The following LINGO2 variants were observed in gnomAD, a reference collection of about 807,000 sequenced individuals.
The protein encoded by LINGO2 is leucine-rich repeat and immunoglobulin-like domain-containing nogo receptor-interacting protein 2.
Under a neutral mutation model 30.6 loss-of-function variants are expected in LINGO2, and 14 were observed. The ratio of observed to expected loss-of-function variants is 0.46; its 90% confidence interval spans 0.30 to 0.72. The LOEUF (loss-of-function observed/expected upper bound fraction) is 0.72, where lower values mean the gene tolerates loss of function less well. Among genes scored for constraint, LINGO2 ranks in the 30% least tolerant of loss-of-function variants. The probability of loss-of-function intolerance (pLI) is 0.07; values close to 1 mark genes in which losing one functional copy is unlikely to be tolerated. For missense variants in LINGO2, 729 were observed against 751.7 expected (o/e 0.97, Z 0.35); for synonymous variants, 317 against 288.5 (o/e 1.10, Z -1.00).
In LINGO2 at chr9:28,632,785, T is replaced by G. The variant is rs922186774; in HGVS notation, c.-365+37415A>C. 1.5e-3 allele frequency among the ~76,000 whole-genome samples: 193 copies of G among 131,098 alleles called. 2 individuals carry two copies. The highest frequency in any genetic ancestry group is 5.2e-3 in the African/African-American group (181 of 34,662). The allele number at this position is 131,098 out of a possible 152,430, so 86.0% of individuals were successfully genotyped here. On this transcript the variant is annotated intron_variant, in intron 1 of 5. Coordinates refer to ENST00000379992, the Ensembl canonical transcript of LINGO2. ...ATAGATTTATATATTATATATCGAT[T>G]TATATTATATAGATTTATATAGATG...
intron 2 of LINGO2, among the ~76,000 whole-genome samples, chr9:28,462,051 T>A (rs181832615): frequency 6.6e-6 from 1 of 152,222 alleles, no homozygotes; most frequent in Admixed American, 6.5e-5. Flanking sequence ...TTCATTCTCC[T>A]CTAATGTTAT....
rs11361678 is a variant in LINGO2 at position 28,032,041 on chromosome 9, T to TG, written c.-86-19637dup. 8.3e-3 allele frequency among the ~76,000 whole-genome samples: 885 copies of TG among 106,458 alleles called. 7 individuals are homozygous for TG. Among genetic ancestry groups the TG allele is most frequent in the African/African-American group, 0.024 (752 of 31,010 alleles). The allele number at this position is 106,458 out of a possible 152,430, so 69.8% of individuals were successfully genotyped here. On this transcript the variant is annotated intron_variant, in intron 4 of 5. Coordinates refer to ENST00000379992, the Ensembl canonical transcript of LINGO2. ...CAGTCTGCTGACTCAAAATGAGGGG[T>TG]GGGGGGGGAAAGCCTCACTGGGATG...
the LINGO2 span, among the ~76,000 whole-genome samples, chr9:28,873,135 G>A: frequency 6.6e-6 from 1 of 151,936 alleles, no homozygotes; most frequent in Non-Finnish European, 1.5e-5. Context: ...TTGGGAGGCC[G>A]AGGTGGGCGG....
chr9:28,324,152 G>A (rs553091367), intron 3 of LINGO2, among the ~76,000 whole-genome samples: 145 of 152,236 alleles, frequency 9.5e-4, no homozygotes, highest in Non-Finnish European at 1.5e-3. Flanking sequence ...GCAAGTTTAG[G>A]ATTGAAAGTC....
At chr9:28,287,285 GA>G (rs1328858742) in intron 4 of LINGO2, among the ~76,000 whole-genome samples, 1 of 152,154 alleles carries the variant, frequency 6.6e-6, no homozygotes, top group Non-Finnish European at 1.5e-5. Context: ...AATAACTGAA[GA>G]GAAAATGATG....
chr9:28,795,961 T>C, the LINGO2 span, among the ~76,000 whole-genome samples: 1 of 147,618 alleles, frequency 6.8e-6, no homozygotes, highest in Non-Finnish European at 1.5e-5. Context: ...TACCTTTATA[T>C]ATCTATATGG....
chr9:28,343,141 A>C (rs954830553), intron 3 of LINGO2, among the ~76,000 whole-genome samples: 2 of 152,212 alleles, frequency 1.3e-5, no homozygotes, highest in Non-Finnish European at 2.9e-5. Flanking sequence ...CCTGAGGTCA[A>C]ACAGATAAGT....
chr9:28,846,612 G>A, the LINGO2 span, among the ~76,000 whole-genome samples: 4 of 147,754 alleles, frequency 2.7e-5, no homozygotes, highest in Non-Finnish European at 1.5e-5. Context: ...TAACTATCAA[G>A]AATGTCACTG....
chr9:28,863,702 C>T, the LINGO2 span: 6 of 527,082 alleles, frequency 1.1e-5, no homozygotes, highest in Non-Finnish European at 2.0e-5. Flanking sequence ...ATCCACAGCA[C>T]TTCACAGTTT....
intron 4 of LINGO2, among the ~76,000 whole-genome samples, chr9:28,079,159 A>T (rs1006165291): frequency 1.5e-5 from 2 of 135,278 alleles, no homozygotes; most frequent in African/African-American, 7.7e-5. Context: ...AAGCAGGATC[A>T]GGTTTTAACA....
the LINGO2 span, among the ~76,000 whole-genome samples, chr9:29,211,803 C>A: frequency 6.6e-6 from 1 of 152,116 alleles, no homozygotes; most frequent in Non-Finnish European, 1.5e-5. Flanking sequence ...CACAGCAGGT[C>A]CCCTAGCTCA....
At chr9:28,954,537 G>A in the LINGO2 span, among the ~76,000 whole-genome samples, 1 of 152,134 alleles carries the variant, frequency 6.6e-6, no homozygotes, top group Non-Finnish European at 1.5e-5. Flanking sequence ...GCTAGTAACA[G>A]TCTGGTGTTG....
At chr9:28,230,128 G>A (rs985415493) in intron 4 of LINGO2, among the ~76,000 whole-genome samples, 3 of 151,702 alleles carry the variant, frequency 2.0e-5, no homozygotes, top group African/African-American at 7.2e-5. Flanking sequence ...AACTTTCTTT[G>A]TAAGACAACA....
At chr9:27,942,359 C>G in the LINGO2 span, 2 of 149,428 alleles carry the variant, frequency 1.3e-5, no homozygotes, top group Non-Finnish European at 2.9e-5. Flanking sequence ...TATACGACTC[C>G]GATTGTCTCA....
chr9:28,440,119 C>T (rs1159314087), intron 2 of LINGO2, among the ~76,000 whole-genome samples: 1 of 152,114 alleles, frequency 6.6e-6, no homozygotes, highest in Non-Finnish European at 1.5e-5. Flanking sequence ...CTTGTTTTTA[C>T]ACAGTGACAT....
intron 3 of LINGO2, among the ~76,000 whole-genome samples, chr9:28,370,157 T>C (rs1820838204): frequency 6.6e-6 from 1 of 152,202 alleles, no homozygotes; most frequent in African/African-American, 2.4e-5. Flanking sequence ...AAACTGAGTC[T>C]ACTTATTCTA....
At chr9:28,803,759 C>T in the LINGO2 span, among the ~76,000 whole-genome samples, 2 of 151,908 alleles carry the variant, frequency 1.3e-5, no homozygotes, top group Non-Finnish European at 2.9e-5. Context: ...TGTGAACAGA[C>T]CATAAAATGG....
chr9:28,339,815 C>T (rs1193725669), intron 3 of LINGO2, among the ~76,000 whole-genome samples: 1 of 152,124 alleles, frequency 6.6e-6, no homozygotes, highest in African/African-American at 2.4e-5. Flanking sequence ...CTACAGGAGT[C>T]AAAGTTAGGA....
intron 1 of LINGO2, among the ~76,000 whole-genome samples, chr9:28,633,391 A>G (rs1313487293): frequency 6.6e-6 from 1 of 152,192 alleles, no homozygotes; most frequent in African/African-American, 2.4e-5. Flanking sequence ...GTAAAGCCCT[A>G]GCTCCAGATA....
Sources: allele counts gnomAD v4.1 joint callset (sites outside exome capture counted in the v4.1 genomes callset), GRCh38; gene constraint gnomAD v4.1.1; transcripts MANE v1.5; gene names NCBI Gene and HGNC (gene_info 2026-07-23, HGNC 2026-07-21).